The following ARHGEF4 variants were observed in gnomAD, a reference collection of about 807,000 sequenced individuals.
ARHGEF4 encodes APC-stimulated guanine nucleotide exchange factor 1.
A neutral mutation model predicts 162.0 loss-of-function variants in ARHGEF4; 119 were observed. That is an observed-to-expected ratio of 0.73 (90% confidence interval 0.63 to 0.86). The LOEUF is 0.86. Ranked by LOEUF, ARHGEF4 falls within the 40% of genes least tolerant of loss-of-function variation. The pLI is 0.00. For synonymous variants in ARHGEF4, 1,014 were observed against 979.9 expected, an observed-to-expected ratio of 1.03 and a Z score of -0.65; for missense variants, 2,488 against 2,456.0, an observed-to-expected ratio of 1.01 and a Z score of -0.28.
intron 8 of ARHGEF4, 79 bp from the exon 9 acceptor site, chr2:131,041,151 C>T: frequency 2.2e-6 from 3 of 1,387,412 alleles, no homozygotes; most frequent in Non-Finnish European, 3.0e-6. Context: ...TGTAGAGGCT[C>T]TTGCCCTTCC....
In ARHGEF4 at chr2:130,917,512, T is replaced by C. The variant is rs1431704331; in HGVS notation, c.3552+14T>C. The C allele has an allele frequency of 2.0e-5, 31 of 1,542,618 alleles. No individual in the cohort carries two copies. The highest frequency in any genetic ancestry group is 2.6e-5 in the Non-Finnish European group (30 of 1,143,672). On this transcript the variant is annotated intron_variant, in intron 2 of 13. Transcript: ENST00000409359. ...CCTGGGAGTGAGGTGAGTATCTGAA[T>C]CGCACCAAGCCTTTCCTGACCTCTG... is the stretch of plus-strand genomic sequence containing the variant.
intron 4 of ARHGEF4, 110 bp from the exon 5 acceptor site, chr2:131,027,835 C>G: frequency 1.5e-6 from 2 of 1,339,962 alleles, no homozygotes; most frequent in Non-Finnish European, 2.1e-6. Flanking sequence ...GCACGCTCCC[C>G]CTGCAGAAGA....
intron 3 of ARHGEF4, among the ~76,000 whole-genome samples, chr2:130,934,485 G>T (rs1682824823): frequency 6.6e-6 from 1 of 152,064 alleles, no homozygotes; most frequent in Admixed American, 6.6e-5. Context: ...TTTAGTGTCA[G>T]GTTGGTGAAA....
chr2:130,926,048 C>CTTTCTTTCTTTCTCTTTCTTTCTTTCTT, intron 2 of ARHGEF4, among the ~76,000 whole-genome samples: 538 of 53,106 alleles, frequency 0.01, no homozygotes, highest in East Asian at 0.03. Flanking sequence ...TTCTTTCTTT[C>CTTTCTTTCTTTCTCTTTCTTTCTTTCTT]TCTTTCTTTC....
At chr2:130,871,395 G>C (rs907055662) in intron 1 of ARHGEF4, among the ~76,000 whole-genome samples, 1 of 151,978 alleles carries the variant, frequency 6.6e-6, no homozygotes, top group Non-Finnish European at 1.5e-5. Flanking sequence ...AATTAGCCAG[G>C]CTTGGTGGTG....
intron 1 of ARHGEF4, among the ~76,000 whole-genome samples, chr2:130,880,195 T>C (rs1679104681): frequency 6.6e-6 from 1 of 152,210 alleles, no homozygotes; most frequent in African/African-American, 2.4e-5. Context: ...CCAGGCGGGC[T>C]GATCCCATGG....
chr2:130,977,579 A>T lies in ARHGEF4; in HGVS notation c.3985+30944A>T, dbSNP rs554387583. Among the ~76,000 whole-genome samples the T allele has an allele frequency of 2.6e-5, 4 of 151,388 alleles. No individual in the cohort carries two copies. In the East Asian group the frequency reaches 7.8e-4, roughly 30 times the overall value. On this transcript the variant is annotated intron_variant, in intron 4 of 13. Coordinates refer to ENST00000409359, the MANE Select transcript of ARHGEF4 (RefSeq NM_001367493.1). ...TTTGTGTGTTGGGCATGTTACATGT[A>T]TGTTGTGTATGTGTGGTGCATATGC... is the stretch of plus-strand genomic sequence containing the variant.
At chr2:131,002,182 G>A (rs983887888) in intron 4 of ARHGEF4, among the ~76,000 whole-genome samples, 1 of 152,136 alleles carries the variant, frequency 6.6e-6, no homozygotes, top group Admixed American at 6.5e-5. Context: ...GGAGCTTGCC[G>A]ACTTTAAAAT....
chr2:130,841,335 A>G, intron 1 of ARHGEF4, among the ~76,000 whole-genome samples: 1 of 148,176 alleles, frequency 6.7e-6, no homozygotes, highest in African/African-American at 2.5e-5. Flanking sequence ...AAGTGCTGGG[A>G]TTACAAGCAT....
chr2:130,842,679 C>T (rs1341407916), intron 1 of ARHGEF4, among the ~76,000 whole-genome samples: 2 of 152,180 alleles, frequency 1.3e-5, no homozygotes, highest in Admixed American at 6.5e-5. Context: ...AGTTCCACAT[C>T]TTCCACGTGG....
At position 131,044,548 on chromosome 2, in the gene ARHGEF4, A is replaced by C; in HGVS notation, c.5401+6A>C. 3 of 1,549,046 alleles carry C rather than the reference A, an allele frequency of 1.9e-6. No individual in the cohort carries two copies. Among genetic ancestry groups the C allele is most frequent in the Non-Finnish European group, 2.6e-6 (3 of 1,146,052 alleles). ...GCAGCTGGACCAGGAGACAGGTTCG[A>C]GACCCTGCTGGGCCTTGCCCCGCCC... On this transcript the variant is annotated splice_donor_region_variant and intron_variant, in intron 12 of 13. Coordinates refer to ENST00000409359, the MANE Select transcript of ARHGEF4 (RefSeq NM_001367493.1).
intron 1 of ARHGEF4, among the ~76,000 whole-genome samples, chr2:130,854,607 C>A (rs1574103101): frequency 6.6e-6 from 1 of 152,324 alleles, no homozygotes; most frequent in African/African-American, 2.4e-5. Flanking sequence ...GGGTGGAGGC[C>A]TGCTCCAAGC....
At chr2:130,992,238 A>C (rs1300441215) in intron 4 of ARHGEF4, among the ~76,000 whole-genome samples, 2 of 152,196 alleles carry the variant, frequency 1.3e-5, no homozygotes, top group Non-Finnish European at 2.9e-5. Context: ...GGGTGGGGCC[A>C]GATAAGAGAA....
chr2:130,999,408 G>C (rs186400545), intron 4 of ARHGEF4, among the ~76,000 whole-genome samples: 2 of 151,874 alleles, frequency 1.3e-5, no homozygotes, highest in African/African-American at 4.8e-5. Context: ...CGCCCGCCTT[G>C]GCCTCCCAAA....
intron 3 of ARHGEF4, among the ~76,000 whole-genome samples, chr2:130,942,183 T>C (rs1683347891): frequency 6.8e-6 from 1 of 147,006 alleles, no homozygotes; most frequent in Non-Finnish European, 1.5e-5. Flanking sequence ...GGAGTCTTGC[T>C]TTGTCACTCA....
At chr2:130,889,163 C>T (rs988141896) in intron 1 of ARHGEF4, among the ~76,000 whole-genome samples, 1 of 151,526 alleles carries the variant, frequency 6.6e-6, no homozygotes, top group Non-Finnish European at 1.5e-5. Context: ...TAATATTGTC[C>T]GAGACTTACA....
intron 2 of ARHGEF4, among the ~76,000 whole-genome samples, chr2:130,924,360 G>A (rs141433636): frequency 0.013 from 2,023 of 150,222 alleles, 51 homozygotes; most frequent in African/African-American, 0.047. Flanking sequence ...TCCGTCTCCC[G>A]GGTTCGAATT....
At chr2:130,979,255 A>G (rs1177301741) in intron 4 of ARHGEF4, among the ~76,000 whole-genome samples, 1 of 152,238 alleles carries the variant, frequency 6.6e-6, no homozygotes, top group Non-Finnish European at 1.5e-5. Context: ...ATATAATCCT[A>G]GAACCCATGT....
chr2:130,854,846 T>TTTTTTTTA (rs1681652985), intron 1 of ARHGEF4, among the ~76,000 whole-genome samples: 3 of 140,232 alleles, frequency 2.1e-5, no homozygotes, highest in Non-Finnish European at 3.1e-5. Flanking sequence ...GGAGTCTGAC[T>TTTTTTTTA]TTTATTTATT....
Sources: gnomAD v4.1 joint callset for allele counts (sites outside exome capture counted in the v4.1 genomes callset) on GRCh38, gnomAD v4.1.1 for gene constraint, MANE v1.5 for transcripts, NCBI Gene and HGNC (gene_info 2026-07-23, HGNC 2026-07-21) for gene names.